Variants in ADGRL3 observed in about 807,000 individuals in gnomAD.
The protein encoded by ADGRL3 is calcium-independent alpha-latrotoxin receptor 3.
ADGRL3 carries 62 observed loss-of-function variants against 153.5 expected under a neutral mutation model. The observed-to-expected ratio is 0.40, with a 90% confidence interval of 0.33 to 0.50. ADGRL3 has a LOEUF of 0.50. Ranked by LOEUF, ADGRL3 falls within the 20% of genes least tolerant of loss-of-function variation. The probability of loss-of-function intolerance (pLI) is 0.47; values close to 1 mark genes in which losing one functional copy is unlikely to be tolerated. For synonymous variants in ADGRL3, 710 were observed against 672.5 expected (o/e 1.06, Z -0.86); for missense variants, 1,641 against 1,859.4 (o/e 0.88, Z 2.16).
In ADGRL3 at chr4:61,642,001, T is replaced by C. The variant is rs1024306727; in HGVS notation, c.474-34825T>C. On this transcript the variant is annotated intron_variant, in intron 5 of 26. Coordinates refer to ENST00000683033, the MANE Select transcript of ADGRL3 (RefSeq NM_001387552.1). ...ATTCTAGCTGGTGTGAGATGGTATC[T>C]CATTGTGGTTTTGATTTGCATTTCT... is the stretch of plus-strand genomic sequence containing the variant. Among the ~76,000 whole-genome samples the C allele has an allele frequency of 1.9e-4, 28 of 150,984 alleles. 2 individuals are homozygous for C. Among genetic ancestry groups the C allele is most frequent in the Admixed American group, 1.9e-3 (28 of 15,122 alleles).
At chr4:61,463,610 CT>C (rs933338400) in intron 2 of ADGRL3, among the ~76,000 whole-genome samples, 9 of 152,116 alleles carry the variant, frequency 5.9e-5, no homozygotes, top group African/African-American at 2.2e-4. Context: ...TTAGTTTTTT[CT>C]TTTTTACATG....
In ADGRL3 at chr4:61,886,808, A is replaced by AT. The variant is rs1272153862; in HGVS notation, c.1481-5837dup. Among the ~76,000 whole-genome samples, 258 of 145,242 alleles carry AT rather than the reference A, an allele frequency of 1.8e-3. 1 individual carries two copies. Among genetic ancestry groups the AT allele is most frequent in the Middle Eastern group, 0.011 (3 of 276 alleles). On this transcript the variant is annotated intron_variant, in intron 9 of 26. Coordinates refer to ENST00000683033, the MANE Select transcript of ADGRL3 (RefSeq NM_001387552.1). ...AGGCGCCCACCATCATGCCCGGCTAATTTTTTTTTTTGTATTTTTAGTAGA... is the reference window on the plus strand; with the variant it reads ...AGGCGCCCACCATCATGCCCGGCTAATTTTTTTTTTTTGTATTTTTAGTAGA...
intron 1 of ADGRL3, among the ~76,000 whole-genome samples, chr4:61,298,801 A>G (rs1300513606): frequency 1.3e-5 from 2 of 148,404 alleles, no homozygotes; most frequent in Admixed American, 6.7e-5. Context: ...TTGAAAATTA[A>G]TTGATTAGAT....
chr4:61,947,488 CA>C (rs1402356483), intron 16 of ADGRL3, among the ~76,000 whole-genome samples: 1 of 152,076 alleles, frequency 6.6e-6, no homozygotes, highest in African/African-American at 2.4e-5. Flanking sequence ...GCTCTTGCTG[CA>C]AAAACAAGAA....
At chr4:62,037,996 T>C in intron 24 of ADGRL3, 140 bp downstream of exon 24, 3 of 899,668 alleles carry the variant, frequency 3.3e-6, no homozygotes, top group Non-Finnish European at 5.0e-6. Flanking sequence ...TGGGAATGAT[T>C]CTGACAGAAA....
At chr4:61,602,430 T>A (rs2099015947) in intron 5 of ADGRL3, among the ~76,000 whole-genome samples, 1 of 152,108 alleles carries the variant, frequency 6.6e-6, no homozygotes, top group African/African-American at 2.4e-5. Flanking sequence ...TTTTTGGTTG[T>A]CACAACTGGA....
At chr4:62,013,520 C>A (rs2099196665) in intron 21 of ADGRL3, among the ~76,000 whole-genome samples, 1 of 148,296 alleles carries the variant, frequency 6.7e-6, no homozygotes, top group Non-Finnish European at 1.5e-5. Flanking sequence ...CCAGCCCGGG[C>A]AACAAGAGTG....
intron 1 of ADGRL3, among the ~76,000 whole-genome samples, chr4:61,378,474 T>C (rs2096630509): frequency 6.6e-6 from 1 of 152,008 alleles, no homozygotes; most frequent in Non-Finnish European, 1.5e-5. Flanking sequence ...CATATAGAGA[T>C]GAGTCTGTGC....
At chr4:61,695,108 C>T (rs2095616209) in intron 6 of ADGRL3, among the ~76,000 whole-genome samples, 1 of 152,188 alleles carries the variant, frequency 6.6e-6, no homozygotes, top group Non-Finnish European at 1.5e-5. Context: ...GAAGCAACTC[C>T]TGTTAATGCT....
intron 17 of ADGRL3, among the ~76,000 whole-genome samples, chr4:61,969,888 A>C (rs886823316): frequency 6.6e-6 from 1 of 152,164 alleles, no homozygotes; most frequent in African/African-American, 2.4e-5. Context: ...TCCATTTTCT[A>C]CGTGGTCCTG....
At chr4:61,587,495 A>G in intron 5 of ADGRL3, 55 bp downstream of exon 5, 6 of 1,236,654 alleles carry the variant, frequency 4.9e-6, no homozygotes, top group Non-Finnish European at 6.9e-6. Flanking sequence ...TTCAACATCA[A>G]TCTGTGTTAC....
At chr4:61,384,055 T>C (rs1159135335) in intron 2 of ADGRL3, among the ~76,000 whole-genome samples, 1 of 151,968 alleles carries the variant, frequency 6.6e-6, no homozygotes, top group Non-Finnish European at 1.5e-5. Context: ...ATAATTGATA[T>C]GTACTTTAAT....
rs141921244 is a variant in ADGRL3, at chr4:61,393,137, G to A, written c.-174+9948G>A. Among the ~76,000 whole-genome samples, 832 of 152,066 alleles carry A rather than the reference G, an allele frequency of 5.5e-3. 6 individuals carry two copies. Among genetic ancestry groups the A allele is most frequent in the South Asian group, 0.012 (56 of 4,798 alleles). On this transcript the variant is annotated intron_variant, in intron 2 of 26. Transcript: ENST00000683033. ...TGTAGTATTCTCATTTGTCCAATTA[G>A]CAAGAACAGCACTAGATTATCCATA...
rs373798399 is a variant in ADGRL3 at position 61,901,544 on chromosome 4, T to G, written c.1887+5710T>G. Among the ~76,000 whole-genome samples, 123 of 152,304 alleles carry G rather than the reference T, an allele frequency of 8.1e-4. 3 individuals are homozygous for G. The South Asian group carries it at 0.025, about 31-fold the overall frequency. ...ATTTTAGACTTATTTAACTTATGTT[T>G]AATTGTAAGATAGAAGCATTTTGTT... On this transcript the variant is annotated intron_variant, in intron 11 of 26. Transcript: ENST00000683033.
chr4:61,947,859 A>G (rs1188321167), intron 16 of ADGRL3, among the ~76,000 whole-genome samples: 1 of 152,206 alleles, frequency 6.6e-6, no homozygotes, highest in Non-Finnish European at 1.5e-5. Flanking sequence ...CATTGGTACT[A>G]GTATATTATT....
intron 9 of ADGRL3, among the ~76,000 whole-genome samples, chr4:61,888,878 G>A (rs1350251855): frequency 6.6e-6 from 1 of 152,076 alleles, no homozygotes; most frequent in Non-Finnish European, 1.5e-5. Context: ...GGATCATTTG[G>A]GGGAGAGGGA....
intron 8 of ADGRL3, among the ~76,000 whole-genome samples, chr4:61,789,380 A>G (rs1442641178): frequency 6.6e-6 from 1 of 152,154 alleles, no homozygotes; most frequent in Non-Finnish European, 1.5e-5. Flanking sequence ...TTACTATATG[A>G]CACACTTGAA....
intron 6 of ADGRL3, among the ~76,000 whole-genome samples, chr4:61,689,724 A>G (rs2095505663): frequency 6.6e-6 from 1 of 152,148 alleles, no homozygotes; most frequent in Non-Finnish European, 1.5e-5. Flanking sequence ...ATTCAAAATG[A>G]TCCTGATGTG....
chr4:61,257,718 A>G (rs958883480), intron 1 of ADGRL3, among the ~76,000 whole-genome samples: 1 of 152,142 alleles, frequency 6.6e-6, no homozygotes, highest in Non-Finnish European at 1.5e-5. Context: ...ATCAAATAAG[A>G]TATGATAATT....
Sources: gnomAD v4.1 joint callset for allele counts (sites outside exome capture counted in the v4.1 genomes callset) on GRCh38, gnomAD v4.1.1 for gene constraint, MANE v1.5 for transcripts, NCBI Gene and HGNC (gene_info 2026-07-23, HGNC 2026-07-21) for gene names.